Variants in GREB1L observed in about 807,000 individuals in gnomAD.
GREB1L encodes GREB1 like retinoic acid receptor coactivator.
GREB1L carries 17 observed loss-of-function variants against 200.8 expected under a neutral mutation model. The observed-to-expected ratio is 0.08, with a 90% confidence interval of 0.06 to 0.13. The LOEUF (loss-of-function observed/expected upper bound fraction) is 0.13, where lower values mean the gene tolerates loss of function less well. GREB1L is among the 10% of genes least tolerant of loss of function. The pLI is 1.00. For missense variants in GREB1L, 1,657 were observed against 2,367.7 expected (o/e 0.70, Z 6.23); for synonymous variants, 789 against 893.0 (o/e 0.88, Z 2.08).
At chr18:21,296,020 A>G (rs1339025695) in intron 1 of GREB1L, among the ~76,000 whole-genome samples, 1 of 152,236 alleles carries the variant, frequency 6.6e-6, no homozygotes, top group Non-Finnish European at 1.5e-5. Flanking sequence ...CAGTTTGGAG[A>G]TATCTCAAAG....
intron 1 of GREB1L, among the ~76,000 whole-genome samples, chr18:21,359,499 C>T (rs185108189): frequency 1.6e-4 from 25 of 152,174 alleles, no homozygotes; most frequent in African/African-American, 5.8e-4. Context: ...AAGTCTTATT[C>T]AAGTTAGTAT....
intron 1 of GREB1L, among the ~76,000 whole-genome samples, chr18:21,364,784 G>A (rs1472311228): frequency 1.3e-5 from 2 of 151,460 alleles, no homozygotes; most frequent in East Asian, 3.9e-4. Flanking sequence ...TGCAGCACGT[G>A]GCCAAAAATT....
intron 1 of GREB1L, among the ~76,000 whole-genome samples, chr18:21,251,479 A>G (rs900257426): frequency 6.6e-6 from 1 of 152,238 alleles, no homozygotes; most frequent in Admixed American, 6.5e-5. Context: ...TTAAACAACC[A>G]TTACTTCATT....
At chr18:21,498,994 A>G (rs892084812) in intron 21 of GREB1L, among the ~76,000 whole-genome samples, 5 of 152,198 alleles carry the variant, frequency 3.3e-5, no homozygotes, top group African/African-American at 1.2e-4. Flanking sequence ...TAGGAGGACA[A>G]ACACACTTGA....
chr18:21,397,290 C>A (rs2041108310), intron 5 of GREB1L, among the ~76,000 whole-genome samples: 1 of 151,220 alleles, frequency 6.6e-6, no homozygotes, highest in Non-Finnish European at 1.5e-5. Context: ...GTCAGGAGAT[C>A]GAGACCTCTG....
chr18:21,315,217 G>A (rs2038849411), intron 1 of GREB1L, among the ~76,000 whole-genome samples: 1 of 152,088 alleles, frequency 6.6e-6, no homozygotes, highest in South Asian at 2.1e-4. Flanking sequence ...AGTCTCCCAA[G>A]TAGCTGGGAC....
In GREB1L at chr18:21,525,856, A is replaced by AAAT. The variant is rs1410193032; in HGVS notation, c.*3036_*3038dup. Reference sequence around the variant, plus strand: ...TTTCAATCTATTAATAAAGTGTAGTAAATTAAAAGAATTTGACATAGATTC... The same window carrying AAAT: ...TTTCAATCTATTAATAAAGTGTAGTAAATAATTAAAAGAATTTGACATAGATTC... On this transcript the variant is annotated 3_prime_UTR_variant, in exon 33 of 33. Coordinates refer to ENST00000424526, the MANE Select transcript of GREB1L (RefSeq NM_001142966.3). Among the ~76,000 whole-genome samples the AAAT allele has an allele frequency of 8.3e-6, 1 of 120,790 alleles. No individual in the cohort carries two copies. Among genetic ancestry groups the AAAT allele is most frequent in the Non-Finnish European group, 2.0e-5 (1 of 49,608 alleles). 79.2% of individuals were successfully genotyped at this position (120,790 alleles called of 152,430 possible).
At chr18:21,437,521 T>C (rs73960427) in intron 7 of GREB1L, among the ~76,000 whole-genome samples, 1,607 of 152,210 alleles carry the variant, frequency 0.011, 34 homozygotes, top group African/African-American at 0.036. Flanking sequence ...AACTGGCTTA[T>C]GTGCCTCCTG....
In GREB1L at chr18:21,513,868, T is replaced by C. The variant is rs374997314; in HGVS notation, c.4783T>C (p.Leu1595=). 3.7e-5 allele frequency: 58 copies of C among 1,551,504 alleles called. No homozygotes were observed. The highest frequency in any genetic ancestry group is 1.7e-4 in the East Asian group (7 of 40,932). Residue 1595 remains leucine, a synonymous_variant, in exon 28 of 33, where the codon TTG becomes CTG. Coordinates refer to ENST00000424526, the MANE Select transcript of GREB1L (RefSeq NM_001142966.3). ...IKELSYHNLE[L]ERNRLEELGI... The stretch of plus-strand genomic sequence containing the variant: ...GGAGCTATCATATCACAACCTAGAA[T>C]TGGAGAGAAACCGCCTGGAGGAGCT...
intron 27 of GREB1L, 145 bp downstream of exon 27, chr18:21,508,736 T>C: frequency 1.6e-6 from 1 of 626,488 alleles, no homozygotes; most frequent in Non-Finnish European, 2.7e-6. Context: ...AAAAAAAAGC[T>C]TTTTGACTCT....
At chr18:21,411,074 T>C (rs1385619875) in intron 7 of GREB1L, among the ~76,000 whole-genome samples, 1 of 152,182 alleles carries the variant, frequency 6.6e-6, no homozygotes, top group Non-Finnish European at 1.5e-5. Flanking sequence ...AATATCCAAG[T>C]TGGCAATAAA....
intron 15 of GREB1L, among the ~76,000 whole-genome samples, chr18:21,471,165 A>G (rs6508436): frequency 0.3 from 45,461 of 152,104 alleles, 8,942 homozygotes; most frequent in African/African-American, 0.52. Flanking sequence ...TAGCCAAAAA[A>G]CCACAATCGG....
In GREB1L at chr18:21,499,938, C is replaced by T. The variant is rs1231721634; in HGVS notation, c.3601C>T (p.Pro1201Ser). The T allele has an allele frequency of 6.5e-7, 1 of 1,550,316 alleles. No individual in the cohort carries two copies. Among genetic ancestry groups the T allele is most frequent in the Non-Finnish European group, 8.7e-7 (1 of 1,146,304 alleles). The change falls in exon 22 of 33, where the codon CCG (proline) becomes TCG (serine). Residue 1201 changes from proline to serine, a missense_variant. Pro to Ser is a moderately conservative substitution (Grantham distance 74). Around this residue, in one of 9 missense-constraint regions of GREB1L, gnomAD observed 512 missense variants for 668.3 expected, o/e 0.77. Coordinates refer to ENST00000424526, the MANE Select transcript of GREB1L (RefSeq NM_001142966.3). ...GATGGCGAGCAGCACCACCTCCAAG[C>T]CGTCATCATCATCCTCAGGACCCAG... is the stretch of plus-strand genomic sequence containing the variant. Reference protein sequence around the residue: ...PQMASSTTSKPSSSSSGPRTL... With the variant: ...PQMASSTTSKSSSSSSGPRTL...
intron 2 of GREB1L, among the ~76,000 whole-genome samples, chr18:21,376,403 T>G (rs1397716722): frequency 1.4e-5 from 2 of 144,082 alleles, no homozygotes; most frequent in Non-Finnish European, 3.0e-5. Flanking sequence ...ATTACAGGAA[T>G]GAGCCACCTG....
At chr18:21,411,777 G>A (rs564384486) in intron 7 of GREB1L, among the ~76,000 whole-genome samples, 1 of 151,964 alleles carries the variant, frequency 6.6e-6, no homozygotes, top group Non-Finnish European at 1.5e-5. Context: ...CGGGCGCGGT[G>A]GCTCACGCCT....
At chr18:21,467,720 A>G (rs2035311170) in intron 15 of GREB1L, among the ~76,000 whole-genome samples, 1 of 152,138 alleles carries the variant, frequency 6.6e-6, no homozygotes, top group South Asian at 2.1e-4. Flanking sequence ...TGATCCAGAA[A>G]TTCCACTCCA....
At chr18:21,430,361 A>G (rs1017592082) in intron 7 of GREB1L, among the ~76,000 whole-genome samples, 14 of 151,536 alleles carry the variant, frequency 9.2e-5, no homozygotes, top group East Asian at 5.8e-4. Flanking sequence ...TCATTGGTCA[A>G]TCTGGCTAAA....
In GREB1L at chr18:21,483,290, C is replaced by T. The variant is rs536691889; in HGVS notation, c.2557-2330C>T. Reference sequence around the variant, plus strand: ...ACAGGGGCCAAGGGTGAGAGGGAAACGTGAAGACCAAGTACACACTTCATA... The same window carrying T: ...ACAGGGGCCAAGGGTGAGAGGGAAATGTGAAGACCAAGTACACACTTCATA... On this transcript the variant is annotated intron_variant, in intron 17 of 32. Coordinates refer to ENST00000424526, the MANE Select transcript of GREB1L (RefSeq NM_001142966.3). Among the ~76,000 whole-genome samples the T allele has an allele frequency of 3.3e-5, 5 of 152,250 alleles. No homozygotes were observed. In the South Asian group the frequency reaches 6.2e-4, roughly 19 times the overall value.
intron 1 of GREB1L, among the ~76,000 whole-genome samples, chr18:21,267,357 T>A (rs181202951): frequency 2.2e-4 from 33 of 152,194 alleles, no homozygotes; most frequent in African/African-American, 7.5e-4. Context: ...AATTTTTGTA[T>A]TTTTAGTAGA....
Sources: allele counts gnomAD v4.1 joint callset (sites outside exome capture counted in the v4.1 genomes callset), GRCh38; gene constraint gnomAD v4.1.1; regional missense constraint gnomAD v4.1.1; transcripts MANE v1.5; gene names NCBI Gene and HGNC (gene_info 2026-07-23, HGNC 2026-07-21).